The following FHDC1 variants were observed in gnomAD, a reference collection of about 807,000 sequenced individuals.
FHDC1 encodes the protein FH2 domain-containing protein 1.
In FHDC1, 25 loss-of-function variants were observed where a neutral mutation model predicts 52.6. The ratio of observed to expected loss-of-function variants is 0.48; its 90% CI spans 0.35 to 0.66. FHDC1 has a LOEUF of 0.66. FHDC1 is among the 30% of genes least tolerant of loss of function. The probability of loss-of-function intolerance (pLI) is 0.01; values close to 1 mark genes in which losing one functional copy is unlikely to be tolerated. For missense variants in FHDC1, 1,459 were observed against 1,452.8 expected (o/e 1.00, Z -0.07); for synonymous variants, 616 against 581.5 (o/e 1.06, Z -0.85).
At position 152,976,050 on chromosome 4, in the gene FHDC1, C is replaced by T; in HGVS notation, c.2759C>T (p.Pro920Leu). Reference sequence around the variant, plus strand: ...AGCAGAGGCGCCGGCTGGAGGCGACCAGAGCTGTCATCCCGGGGGCCCTCC... The same window carrying T: ...AGCAGAGGCGCCGGCTGGAGGCGACTAGAGCTGTCATCCCGGGGGCCCTCC... ...KSSRGAGWRR[P>L]ELSSRGPSQN... The change falls in exon 12 of 12, where the codon CCA becomes CTA. Residue 920 changes from proline (P) to leucine (L), a missense_variant. By Grantham distance (98) the Pro-to-Leu change is moderately conservative. Transcript: ENST00000511601. 6.3e-7 allele frequency: 1 copy of T among 1,587,870 alleles called. No individual in the cohort carries two copies. Among genetic ancestry groups the T allele is most frequent in the South Asian group, 1.1e-5 (1 of 87,088 alleles).
chr4:152,928,047 A>G, the FHDC1 span: 6 of 1,435,302 alleles, frequency 4.2e-6, no homozygotes, highest in East Asian at 1.4e-4. Flanking sequence ...TCCTCCATCC[A>G]CTGCCCCTCT....
intron 6 of FHDC1, among the ~76,000 whole-genome samples, chr4:152,961,239 G>T (rs111553889): frequency 6.0e-5 from 1 of 16,768 alleles, no homozygotes; most frequent in South Asian, 0.031. Flanking sequence ...CCTCCCTGTC[G>T]TGGCCTCTTG....
At chr4:152,931,000 C>T in the FHDC1 span, among the ~76,000 whole-genome samples, 8 of 126,488 alleles carry the variant, frequency 6.3e-5, no homozygotes, top group South Asian at 5.1e-4. Context: ...CACACACACT[C>T]TCTCTCTCTC....
At position 152,953,580 on chromosome 4, in the gene FHDC1, T is replaced by A. The variant is rs1739991734; in HGVS notation, c.560+20T>A. On this transcript the variant is annotated intron_variant, in intron 3 of 11. Transcript: ENST00000511601. ...TAAGAAGTAAGATTTTGCACACATT[T>A]GAAACTTTAGTCATATCCCTGCTGT... is the stretch of plus-strand genomic sequence containing the variant. 1 of 1,603,002 alleles carries A rather than the reference T, an allele frequency of 6.2e-7. No homozygotes were observed. The highest frequency in any genetic ancestry group is 1.3e-5 in the African/African-American group (1 of 74,874).
chr4:152,971,967 A>T (rs1740652370), intron 10 of FHDC1, among the ~76,000 whole-genome samples: 1 of 152,072 alleles, frequency 6.6e-6, no homozygotes, highest in Admixed American at 6.6e-5. Flanking sequence ...AGCTTCAGGG[A>T]CCCTAAAGTA....
chr4:152,974,811 T>C lies in FHDC1; in HGVS notation c.1520T>C (p.Leu507Pro). 6.4e-7 allele frequency: 1 copy of C among 1,574,248 alleles called. No homozygotes were observed. Among genetic ancestry groups the C allele is most frequent in the Non-Finnish European group, 8.7e-7 (1 of 1,156,022 alleles). Residue 507 changes from leucine to proline, a missense_variant, in exon 12 of 12, where the codon CTG becomes CCG. Around this residue, in one of 3 missense-constraint regions of FHDC1, gnomAD observed 939 missense variants for 854.5 expected, o/e 1.10. Transcript: ENST00000511601. ...AGCAGTGAGAATGATGTGGAGCTGC[T>C]GACCAAGAAGGGTGCAGAGGGCCTG... ...RSSSENDVEL[L>P]TKKGAEGLLP...
At chr4:152,950,143 G>A (rs1339857160) in intron 2 of FHDC1, among the ~76,000 whole-genome samples, 1 of 152,170 alleles carries the variant, frequency 6.6e-6, no homozygotes, top group Non-Finnish European at 1.5e-5. Flanking sequence ...GGGATCCCAT[G>A]TGCAGATTCC....
At chr4:152,911,833 G>C in the FHDC1 span, 2 of 152,374 alleles carry the variant, frequency 1.3e-5, no homozygotes, top group Non-Finnish European at 2.9e-5. Context: ...ATTACTACTT[G>C]TGATAGTTCA....
intron 10 of FHDC1, among the ~76,000 whole-genome samples, chr4:152,968,970 G>A (rs771528636): frequency 1.3e-4 from 20 of 152,096 alleles, no homozygotes; most frequent in South Asian, 4.1e-4. Context: ...CCCACAGGGT[G>A]TGTCGGGAGC....
intron 9 of FHDC1, among the ~76,000 whole-genome samples, chr4:152,965,976 T>G (rs1463465731): frequency 6.6e-6 from 1 of 152,178 alleles, no homozygotes; most frequent in Non-Finnish European, 1.5e-5. Context: ...TTTCCCAAAG[T>G]GGGATTATCA....
chr4:152,978,669 T>A lies in FHDC1; in HGVS notation c.*1946T>A, dbSNP rs2149966333. The A allele has an allele frequency of 6.6e-6, 1 of 152,342 alleles. No individual in the cohort carries two copies. The highest frequency in any genetic ancestry group is 2.1e-4 in the South Asian group (1 of 4,818). 9.4% of individuals were successfully genotyped at this position (152,342 alleles called of 1,614,324 possible). ...AAACTTTTTTGTGTTTTTTTTAATT[T>A]TAGGTCACTTATTAGTGAAACCTCA... On this transcript the variant is annotated 3_prime_UTR_variant, in exon 12 of 12. Transcript: ENST00000511601.
At chr4:152,931,535 C>G (rs866879621), upstream of FHDC1, among the ~76,000 whole-genome samples, 1 of 149,644 alleles carries the variant, frequency 6.7e-6, no homozygotes, top group Non-Finnish European at 1.5e-5. Context: ...ACAATTTGCT[C>G]TAAGGAAATA....
chr4:152,949,090 GTAA>G (rs368429472), intron 2 of FHDC1, among the ~76,000 whole-genome samples: 4,034 of 117,264 alleles, frequency 0.034, 82 homozygotes, highest in Non-Finnish European at 0.04. Context: ...CCTTGTCTCA[GTAA>G]TAATAATAAT....
chr4:152,973,280 C>T (rs886554143), intron 11 of FHDC1, among the ~76,000 whole-genome samples: 1 of 152,218 alleles, frequency 6.6e-6, no homozygotes, highest in African/African-American at 2.4e-5. Flanking sequence ...GTCATCTCTC[C>T]CCCTCCAGTT....
chr4:152,943,565 C>T lies in FHDC1; in HGVS notation c.498+10C>T. The T allele has an allele frequency of 6.2e-7, 1 of 1,605,114 alleles. No individual in the cohort carries two copies. The highest frequency in any genetic ancestry group is 8.5e-7 in the Non-Finnish European group (1 of 1,175,462). On this transcript the variant is annotated intron_variant, in intron 2 of 11. Coordinates refer to ENST00000511601, the MANE Select transcript of FHDC1 (RefSeq NM_001371116.1). ...AGAAGCTCGAGAAGAGGTAAGAATG[C>T]AAGGTGGAGGGCTAATCCTCCACAC...
rs188949026 is a variant in FHDC1 at position 152,957,044 on chromosome 4, C to T, written c.663+2725C>T. 2.4e-4 allele frequency among the ~76,000 whole-genome samples: 36 copies of T among 152,254 alleles called. 1 individual carries two copies. The South Asian group carries it at 4.8e-3, about 20-fold the overall frequency. ...CCCTGGCACCAGTCAGACCCAGGGCCAACCCTGGAGTCTTTGGGTCTCTGG... is the reference window on the plus strand; with the variant it reads ...CCCTGGCACCAGTCAGACCCAGGGCTAACCCTGGAGTCTTTGGGTCTCTGG... On this transcript the variant is annotated intron_variant, in intron 4 of 11. Transcript: ENST00000511601.
chr4:152,929,891 C>A, the FHDC1 span, among the ~76,000 whole-genome samples: 2 of 152,168 alleles, frequency 1.3e-5, no homozygotes, highest in Non-Finnish European at 2.9e-5. This position sits in a 1 kb window ranked among gnomAD's most constrained non-coding sequence, Gnocchi z 4.1. Context: ...CTAGTATTTT[C>A]TCTGCTTTCC....
the FHDC1 span, among the ~76,000 whole-genome samples, chr4:152,921,418 T>C: frequency 6.6e-6 from 1 of 152,150 alleles, no homozygotes; most frequent in African/African-American, 2.4e-5. Context: ...TTTTTTAATA[T>C]TTTACCCAGA....
At position 152,975,018 on chromosome 4, in the gene FHDC1, C is replaced by T. The variant is rs776713813; in HGVS notation, c.1727C>T (p.Pro576Leu). ...NKFHSLPRSSPRQARPTIACL... is the reference protein window; with the variant it reads ...NKFHSLPRSSLRQARPTIACL... ...TTCCACAGCCTGCCCCGGAGCAGCC[C>T]CCGGCAGGCCCGGCCCACGATAGCC... The change falls in exon 12 of 12, where the codon CCC becomes CTC. Residue 576 changes from proline (P) to leucine (L), a missense_variant. This residue lies in a region of FHDC1 where 939 missense variants were observed against 854.5 expected (regional missense o/e 1.10). Transcript: ENST00000511601. 3 of 1,612,644 alleles carry T rather than the reference C, an allele frequency of 1.9e-6. No individual in the cohort carries two copies. The highest frequency in any genetic ancestry group is 2.5e-6 in the Non-Finnish European group (3 of 1,179,816).
Sources: allele counts gnomAD v4.1 joint callset (sites outside exome capture counted in the v4.1 genomes callset), GRCh38; gene constraint gnomAD v4.1.1; regional missense constraint gnomAD v4.1.1; non-coding constraint Gnocchi (gnomAD v3.1); transcripts MANE v1.5; gene names NCBI Gene and HGNC (gene_info 2026-07-23, HGNC 2026-07-21).